The following SORCS3 variants were observed in gnomAD, a reference collection of about 807,000 sequenced individuals.
The protein encoded by SORCS3 is VPS10 domain-containing receptor SorCS3.
Under a neutral mutation model 146.3 loss-of-function variants are expected in SORCS3, and 57 were observed. The ratio of observed to expected loss-of-function variants is 0.39; its 90% confidence interval spans 0.31 to 0.49. The LOEUF (loss-of-function observed/expected upper bound fraction) is 0.49. Among genes scored for constraint, SORCS3 ranks in the 20% least tolerant of loss-of-function variants. The probability of loss-of-function intolerance (pLI) is 0.92; values close to 1 mark genes in which losing one functional copy is unlikely to be tolerated. For synonymous variants in SORCS3, 653 were observed against 618.5 expected (o/e 1.06, Z -0.83); for missense variants, 1,341 against 1,575.5 (o/e 0.85, Z 2.52).
intron 3 of SORCS3, among the ~76,000 whole-genome samples, chr10:104,923,272 G>A (rs1486372580): frequency 1.3e-5 from 2 of 152,196 alleles, no homozygotes; most frequent in East Asian, 3.9e-4. Flanking sequence ...ATAGCCAGTT[G>A]GGAAGTCCTT....
chr10:104,963,168 TTAGA>T (rs2054805813), intron 3 of SORCS3, among the ~76,000 whole-genome samples: 1 of 152,218 alleles, frequency 6.6e-6, no homozygotes, highest in African/African-American at 2.4e-5. Flanking sequence ...GATGGTTTCC[TTAGA>T]TAGTTTGCTA....
intron 1 of SORCS3, among the ~76,000 whole-genome samples, chr10:104,721,616 A>G (rs1050750382): frequency 6.6e-5 from 10 of 152,158 alleles, no homozygotes; most frequent in Admixed American, 6.5e-4. Flanking sequence ...TGAGCATGGA[A>G]TGTTCTTCCA....
chr10:104,949,525 G>A (rs573945006), intron 3 of SORCS3, among the ~76,000 whole-genome samples: 1 of 152,274 alleles, frequency 6.6e-6, no homozygotes, highest in South Asian at 2.1e-4. Flanking sequence ...TACTTCTTAA[G>A]AAATTTCATG....
intron 1 of SORCS3, among the ~76,000 whole-genome samples, chr10:104,791,938 G>A (rs1242073791): frequency 1.7e-4 from 26 of 152,096 alleles, no homozygotes; most frequent in Admixed American, 1.6e-3. Context: ...TGGGAAATTG[G>A]GAGCTCATTT....
chr10:105,059,519 T>G (rs2055468995), intron 5 of SORCS3, among the ~76,000 whole-genome samples: 1 of 152,180 alleles, frequency 6.6e-6, no homozygotes, highest in African/African-American at 2.4e-5. Context: ...AAGACACTTT[T>G]GAGTCCCTAC....
At chr10:104,916,536 C>A (rs891247466) in intron 3 of SORCS3, among the ~76,000 whole-genome samples, 16 of 152,144 alleles carry the variant, frequency 1.1e-4, no homozygotes, top group African/African-American at 3.9e-4. Flanking sequence ...AGGATGAAAT[C>A]ATATAAGGTC....
rs144751732 is a variant in SORCS3, at chr10:105,113,842, G to A, written c.1212+8327G>A. ...AAAGAAGCTAATCCTTCCCAGAAGA[G>A]CCCTTGTTTTAATAGGGAAGAGTCT... is the stretch of plus-strand genomic sequence containing the variant. On this transcript the variant is annotated intron_variant, in intron 7 of 26. Transcript: ENST00000369701. Among the ~76,000 whole-genome samples the A allele has an allele frequency of 9.2e-5, 14 of 152,254 alleles. No homozygotes were observed. The East Asian group carries it at 2.3e-3, about 25-fold the overall frequency.
At chr10:104,701,213 C>T (rs940695094) in intron 1 of SORCS3, among the ~76,000 whole-genome samples, 2 of 152,172 alleles carry the variant, frequency 1.3e-5, no homozygotes, top group Admixed American at 1.3e-4. Flanking sequence ...ATAAAAATCT[C>T]ATAGCAAGTG....
chr10:105,023,718 A>T (rs2055210991), intron 4 of SORCS3, among the ~76,000 whole-genome samples: 1 of 152,030 alleles, frequency 6.6e-6, no homozygotes, highest in Admixed American at 6.6e-5. Flanking sequence ...GCACATCCAA[A>T]TGATGGGTCC....
At chr10:104,930,020 G>T (rs2019190815) in intron 3 of SORCS3, among the ~76,000 whole-genome samples, 1 of 151,698 alleles carries the variant, frequency 6.6e-6, no homozygotes, top group Non-Finnish European at 1.5e-5. Context: ...ATTAAAAATA[G>T]CTGCTTTAAG....
rs148025421 is a variant in SORCS3 at position 105,044,701 on chromosome 10, TTGTTGTTTTG to T, written c.1028+1585_1028+1594del. Among the ~76,000 whole-genome samples, 446 of 152,066 alleles carry T rather than the reference TTGTTGTTTTG, an allele frequency of 2.9e-3. 8 individuals carry two copies. In the East Asian group the frequency reaches 0.055, roughly 19 times the overall value. On this transcript the variant is annotated intron_variant, in intron 5 of 26. Coordinates refer to ENST00000369701, the MANE Select transcript of SORCS3 (RefSeq NM_014978.3). ...AAAATCAACTGTTTTTTTTTTTGTT[TTGTTGTTTTG>T]TGTTGTTTTGTTCTTTGTACATGGT...
chr10:105,207,427 A>G (rs1173069542), intron 16 of SORCS3, among the ~76,000 whole-genome samples: 1 of 152,134 alleles, frequency 6.6e-6, no homozygotes, highest in African/African-American at 2.4e-5. Context: ...TATAGTTGAG[A>G]AAGACATAGA....
intron 14 of SORCS3, among the ~76,000 whole-genome samples, chr10:105,197,355 C>T (rs1169438992): frequency 6.6e-6 from 1 of 152,136 alleles, no homozygotes; most frequent in African/African-American, 2.4e-5. Context: ...TAGATGAGTA[C>T]TTATGTGCCA....
intron 5 of SORCS3, among the ~76,000 whole-genome samples, chr10:105,051,587 A>G (rs1332110346): frequency 6.6e-6 from 1 of 152,112 alleles, no homozygotes; most frequent in Non-Finnish European, 1.5e-5. Context: ...AGGAACAGAC[A>G]GAATAGCTTG....
At chr10:104,731,148 G>T (rs1014062597) in intron 1 of SORCS3, among the ~76,000 whole-genome samples, 4 of 152,190 alleles carry the variant, frequency 2.6e-5, no homozygotes, top group Non-Finnish European at 5.9e-5. Context: ...CGCTGAGCCC[G>T]CATTCCCTTG....
At chr10:105,068,112 C>G (rs1332467768) in intron 5 of SORCS3, among the ~76,000 whole-genome samples, 2 of 152,122 alleles carry the variant, frequency 1.3e-5, no homozygotes, top group Non-Finnish European at 2.9e-5. Context: ...TGCCAGATAG[C>G]TCTACTATAT....
At chr10:105,014,008 C>CACAG (rs60946930) in intron 4 of SORCS3, among the ~76,000 whole-genome samples, 568 of 147,772 alleles carry the variant, frequency 3.8e-3, no homozygotes, top group Non-Finnish European at 6.0e-3. Context: ...CACACACACA[C>CACAG]AGGCATGGGA....
At chr10:104,787,085 TG>T (rs772246224) in intron 1 of SORCS3, among the ~76,000 whole-genome samples, 2 of 152,144 alleles carry the variant, frequency 1.3e-5, no homozygotes, top group Non-Finnish European at 2.9e-5. Context: ...ATGGCCACTT[TG>T]GTGACATCCC....
chr10:104,883,304 A>T (rs2133577117), intron 2 of SORCS3, among the ~76,000 whole-genome samples: 1 of 152,280 alleles, frequency 6.6e-6, no homozygotes, highest in South Asian at 2.1e-4. Flanking sequence ...TAAAGTTAAA[A>T]ACCATCTTGG....
Sources: gnomAD v4.1 joint callset for allele counts (sites outside exome capture counted in the v4.1 genomes callset) on GRCh38, gnomAD v4.1.1 for gene constraint, MANE v1.5 for transcripts, NCBI Gene and HGNC (gene_info 2026-07-23, HGNC 2026-07-21) for gene names.